Variants in KMT2C observed in about 807,000 individuals in gnomAD.
KMT2C encodes lysine methyltransferase 2C, also known as histone-lysine N-methyltransferase 2C.
A neutral mutation model predicts 507.9 loss-of-function variants in KMT2C; 88 were observed. That is an observed-to-expected ratio of 0.17 (90% CI 0.15 to 0.21). The LOEUF (loss-of-function observed/expected upper bound fraction) is 0.21, where lower values mean the gene tolerates loss of function less well. Ranked by LOEUF, KMT2C falls within the 10% of genes least tolerant of loss-of-function variation. The pLI is 1.00. For missense variants in KMT2C, 4,954 were observed against 5,957.8 expected, an observed-to-expected ratio of 0.83 and a Z score of 5.55; for synonymous variants, 2,049 against 2,080.8, an observed-to-expected ratio of 0.98 and a Z score of 0.42.
chr7:152,148,625 C>T lies in KMT2C; in HGVS notation c.13302G>A (p.Leu4434=), dbSNP rs776793326. The part of the protein sequence containing the change: ...LDLWVHLNCA[L]WSTEVYETQA... The stretch of plus-strand genomic sequence containing the variant: ...GAGTCTCATAGACCTCCGTGGACCA[C>T]AGAGCGCAGTTCAAGTGGACCCACA... The change falls in exon 52 of 59, where the codon CTG becomes CTA. Residue 4434 remains leucine (L), a synonymous_variant. Transcript: ENST00000262189. The surrounding 1 kb of genome is among the most constrained non-coding windows in gnomAD (Gnocchi z 7.1). The T allele has an allele frequency of 3.0e-5, 49 of 1,614,106 alleles. No individual in the cohort carries two copies. Among genetic ancestry groups the T allele is most frequent in the East Asian group, 4.5e-5 (2 of 44,890 alleles).
chr7:152,344,228 G>C (rs1444257012), intron 2 of KMT2C, among the ~76,000 whole-genome samples: 1 of 152,142 alleles, frequency 6.6e-6, no homozygotes, highest in African/African-American at 2.4e-5. Flanking sequence ...TATCCATGGG[G>C]AATATATTCC....
At chr7:152,157,044 G>A (rs1332236047) in intron 44 of KMT2C, among the ~76,000 whole-genome samples, 2 of 151,590 alleles carry the variant, frequency 1.3e-5, no homozygotes, top group African/African-American at 4.8e-5. Context: ...ATTTCATGAG[G>A]ATGATAAAAT....
chr7:152,367,394 T>A, intron 1 of KMT2C: 1 of 691,978 alleles, frequency 1.4e-6, no homozygotes, highest in Non-Finnish European at 2.5e-6. Context: ...GGCACCAGCA[T>A]ACAAAGTGAG....
intron 16 of KMT2C, among the ~76,000 whole-genome samples, chr7:152,230,744 C>T (rs1374321186): frequency 3.9e-5 from 6 of 152,152 alleles, no homozygotes; most frequent in South Asian, 2.1e-4. Context: ...TTACATATTA[C>T]GTGTTGAAAT....
At chr7:152,245,478 AT>A (rs2095456741) in intron 14 of KMT2C, among the ~76,000 whole-genome samples, 1 of 152,096 alleles carries the variant, frequency 6.6e-6, no homozygotes, top group Admixed American at 6.5e-5. Flanking sequence ...ATTAAAATTT[AT>A]TTCACCTGTT....
rs571910544 is a variant in KMT2C at position 152,153,286 on chromosome 7, C to T, written c.12277-332G>A. On this transcript the variant is annotated intron_variant, in intron 48 of 58. Coordinates refer to ENST00000262189, the MANE Select transcript of KMT2C (RefSeq NM_170606.3). Reference sequence around the variant, plus strand: ...TCAGAAAGCTTACTTCCAGGGGCTTCCCTCCAGCTCTGACACAACCCGTAA... The same window carrying T: ...TCAGAAAGCTTACTTCCAGGGGCTTTCCTCCAGCTCTGACACAACCCGTAA... Among the ~76,000 whole-genome samples the T allele has an allele frequency of 3.3e-4, 51 of 152,306 alleles. 1 individual carries two copies. The highest frequency in any genetic ancestry group is 3.3e-3 in the Admixed American group (50 of 15,302).
At chr7:152,244,999 G>C (rs1406103848) in intron 14 of KMT2C, among the ~76,000 whole-genome samples, 2 of 152,130 alleles carry the variant, frequency 1.3e-5, no homozygotes, top group African/African-American at 4.8e-5. Context: ...CAATACCTGA[G>C]ATATAAATTC....
chr7:152,310,107 A>G (rs2096656809), intron 5 of KMT2C, 32 bp from the exon 6 acceptor site: 6 of 1,399,492 alleles, frequency 4.3e-6, no homozygotes, highest in African/African-American at 2.9e-5. Flanking sequence ...GGAGCAAATG[A>G]GCAAACATTA....
chr7:152,153,229 A>G (rs1312501876), intron 48 of KMT2C, among the ~76,000 whole-genome samples: 1 of 152,210 alleles, frequency 6.6e-6, no homozygotes, highest in Non-Finnish European at 1.5e-5. Flanking sequence ...ATATTGTAAC[A>G]TCTGACAGAC....
chr7:152,381,981 C>T (rs2097378332), intron 1 of KMT2C, among the ~76,000 whole-genome samples: 1 of 152,188 alleles, frequency 6.6e-6, no homozygotes, highest in South Asian at 2.1e-4. Flanking sequence ...TATCCCTACC[C>T]ATTAATACTG....
At chr7:152,272,425 A>T (rs2095993777) in intron 7 of KMT2C, among the ~76,000 whole-genome samples, 1 of 152,208 alleles carries the variant, frequency 6.6e-6, no homozygotes, top group South Asian at 2.1e-4. Flanking sequence ...TAAAATTCAG[A>T]TTCCTATATA....
At chr7:152,339,320 A>G (rs2096968483) in intron 2 of KMT2C, among the ~76,000 whole-genome samples, 1 of 152,222 alleles carries the variant, frequency 6.6e-6, no homozygotes, top group Non-Finnish European at 1.5e-5. Context: ...GTAAGCAACA[A>G]GCACAGTGGT....
At chr7:152,275,035 G>T (rs2096056905) in intron 6 of KMT2C, among the ~76,000 whole-genome samples, 1 of 152,034 alleles carries the variant, frequency 6.6e-6, no homozygotes, top group African/African-American at 2.4e-5. Flanking sequence ...ACATTACTGT[G>T]GATATCTTCA....
At chr7:152,227,688 G>A (rs2094974840) in intron 18 of KMT2C, among the ~76,000 whole-genome samples, 1 of 152,208 alleles carries the variant, frequency 6.6e-6, no homozygotes. Flanking sequence ...TACTCAAAAT[G>A]AAGAAGCAAT....
chr7:152,361,706 TA>T (rs918453654), intron 1 of KMT2C, among the ~76,000 whole-genome samples: 4 of 151,864 alleles, frequency 2.6e-5, no homozygotes, highest in African/African-American at 9.7e-5. Context: ...GAAAATAACA[TA>T]AAAAGATAAA....
In KMT2C at chr7:152,162,856, G is replaced by C. The variant is rs771700205; in HGVS notation, c.10721C>G (p.Ser3574Cys). The change falls in exon 43 of 59, where the codon TCT becomes TGT. Residue 3574 changes from serine (S) to cysteine (C), a missense_variant. Physicochemically the swap from Ser to Cys is moderately radical, Grantham distance 112. Transcript: ENST00000262189. ...ATAACTGTGTCCATGGGTTATAGTA[G>C]AATCTTGGCCACATGGGAGACTGCT... ...ANSSLPCGQD[S>C]TITHGHSYPG... 6.2e-7 allele frequency: 1 copy of C among 1,614,184 alleles called. No homozygotes were observed. The highest frequency in any genetic ancestry group is 8.5e-7 in the Non-Finnish European group (1 of 1,180,034).
At chr7:152,277,524 G>T (rs112407479) in intron 6 of KMT2C, among the ~76,000 whole-genome samples, 1 of 152,074 alleles carries the variant, frequency 6.6e-6, no homozygotes, top group South Asian at 2.1e-4. Context: ...ACCTAAAACC[G>T]AAAGAGTCAT....
intron 18 of KMT2C, among the ~76,000 whole-genome samples, chr7:152,226,633 T>C (rs1193623050): frequency 6.6e-6 from 1 of 152,216 alleles, no homozygotes; most frequent in South Asian, 2.1e-4. Flanking sequence ...ACCAAGTTAA[T>C]GTATTATTTG....
intron 3 of KMT2C, among the ~76,000 whole-genome samples, chr7:152,320,548 C>T (rs2096764191): frequency 6.6e-6 from 1 of 151,864 alleles, no homozygotes. Context: ...CACACCTGGC[C>T]TGTCCCAAGC....
Sources: allele counts gnomAD v4.1 joint callset (sites outside exome capture counted in the v4.1 genomes callset), GRCh38; gene constraint gnomAD v4.1.1; non-coding constraint Gnocchi (gnomAD v3.1); transcripts MANE v1.5; gene names NCBI Gene and HGNC (gene_info 2026-07-23, HGNC 2026-07-21).